Variants in SP140 observed in about 807,000 individuals in gnomAD.
The protein encoded by SP140 is nuclear body protein SP140.
In SP140, 81 loss-of-function variants were observed where a neutral mutation model predicts 125.0. That is an observed-to-expected ratio of 0.65 (90% confidence interval 0.54 to 0.78). The LOEUF (loss-of-function observed/expected upper bound fraction) is 0.78, where lower values mean the gene tolerates loss of function less well. Among genes scored for constraint, SP140 ranks in the 30% least tolerant of loss-of-function variants. The probability of loss-of-function intolerance (pLI) is 0.00; values close to 1 mark genes in which losing one functional copy is unlikely to be tolerated. For synonymous variants in SP140, 312 were observed against 354.0 expected, an observed-to-expected ratio of 0.88 and a Z score of 1.33; for missense variants, 858 against 1,037.0, an observed-to-expected ratio of 0.83 and a Z score of 2.37.
At chr2:230,253,805 G>C (rs996361065) in intron 11 of SP140, among the ~76,000 whole-genome samples, 1 of 152,178 alleles carries the variant, frequency 6.6e-6, no homozygotes, top group Non-Finnish European at 1.5e-5. Context: ...GAACACAGAC[G>C]TAAGTTTTGT....
intron 22 of SP140, among the ~76,000 whole-genome samples, chr2:230,307,772 G>A (rs1260919470): frequency 6.6e-6 from 1 of 152,042 alleles, no homozygotes; most frequent in Admixed American, 6.5e-5. Context: ...CCTGAGCCAA[G>A]TGCAGCCTGC....
rs1334966129 is a variant in SP140, at chr2:230,238,103, A to G, written c.238-110A>G. 4.0e-6 allele frequency: 3 copies of G among 741,090 alleles called. No homozygotes were observed. The East Asian group carries it at 8.1e-5, about 20-fold the overall frequency. The allele number at this position is 741,090 out of a possible 1,614,324, so 45.9% of individuals were successfully genotyped here. On this transcript the variant is annotated intron_variant, in intron 2 of 26. Coordinates refer to ENST00000392045, the MANE Select transcript of SP140 (RefSeq NM_007237.5). The stretch of plus-strand genomic sequence containing the variant: ...GACATTTAAGAAGTCATCCAAATAT[A>G]CGCAAAATTCTAACATTTCACAAGA...
At chr2:230,284,518 G>T (rs2056099099) in intron 16 of SP140, 107 bp downstream of exon 16, 1 of 863,324 alleles carries the variant, frequency 1.2e-6, no homozygotes, top group African/African-American at 1.7e-5. Context: ...TATACCTCCT[G>T]TATCCATTAG....
At chr2:230,307,195 C>T (rs561674804) in intron 22 of SP140, among the ~76,000 whole-genome samples, 1 of 152,342 alleles carries the variant, frequency 6.6e-6, no homozygotes, top group Admixed American at 6.5e-5. Context: ...GACACATTGG[C>T]TGCAGAAAGG....
intron 1 of SP140, chr2:230,235,126 C>T (rs2047782347): frequency 6.6e-6 from 1 of 152,216 alleles, no homozygotes; most frequent in South Asian, 2.1e-4. Context: ...AGGAAACCTC[C>T]AGTCTTCTGC....
chr2:230,283,596 G>A (rs970907673), intron 15 of SP140, among the ~76,000 whole-genome samples: 1 of 152,170 alleles, frequency 6.6e-6, no homozygotes, highest in Non-Finnish European at 1.5e-5. Context: ...CACTATCCAG[G>A]AAGGAGATGA....
chr2:230,289,500 G>A (rs190843300), intron 18 of SP140, among the ~76,000 whole-genome samples: 39 of 152,238 alleles, frequency 2.6e-4, no homozygotes, highest in Non-Finnish European at 5.3e-4. Flanking sequence ...CAGCTCCCCC[G>A]TTTATCATGA....
intron 26 of SP140, 72 bp from the exon 27 acceptor site, chr2:230,312,514 C>A: frequency 2.0e-6 from 2 of 977,988 alleles, no homozygotes; most frequent in Non-Finnish European, 3.2e-6. Context: ...GAGTCCTGAT[C>A]ATTCTCAGTT....
At position 230,255,518 on chromosome 2, in the gene SP140, C is replaced by T. The variant is rs777193271; in HGVS notation, c.1226C>T (p.Ala409Val). The T allele has an allele frequency of 1.3e-5, 21 of 1,601,184 alleles. No individual in the cohort carries two copies. The highest frequency in any genetic ancestry group is 8.6e-5 in the Admixed American group (5 of 58,240). Residue 409 changes from alanine to valine, a missense_variant, in exon 12 of 27, where the codon GCA becomes GTA. Coordinates refer to ENST00000392045, the MANE Select transcript of SP140 (RefSeq NM_007237.5). ...EERQEASSSL[A>V]RRGSVSSELE... ...CGCCAGGAAGCCTCTAGCTCCCTAG[C>T]AAGACGTGGGTCAGGTAAGGACGGG...
At chr2:230,241,290 G>A (rs1167268013) in intron 3 of SP140, 114 bp from the exon 4 acceptor site, 2 of 706,284 alleles carry the variant, frequency 2.8e-6, no homozygotes, top group Non-Finnish European at 5.1e-6. Flanking sequence ...AGGCTCTGTT[G>A]GACCTCGGGG....
intron 1 of SP140, among the ~76,000 whole-genome samples, chr2:230,226,388 T>C (rs1418773770): frequency 1.3e-5 from 2 of 152,180 alleles, no homozygotes; most frequent in Non-Finnish European, 2.9e-5. Context: ...TAGAATCACT[T>C]CAGGATCTCT....
Position 230,310,834 on chromosome 2 carries a change from T to C in SP140, c.2266T>C (p.Cys756Arg), listed in dbSNP as rs62192163. 0.24 allele frequency: 324,199 copies of C among 1,327,114 alleles called. 40,543 individuals carry two copies. Among genetic ancestry groups the C allele is most frequent in the Non-Finnish European group, 0.28 (265,645 of 961,950 alleles). 82.2% of individuals were successfully genotyped at this position (1,327,114 alleles called of 1,614,324 possible). A position where few individuals can be genotyped will look rare whatever the true frequency, so the allele number is the denominator to read the frequency against. ...QESEVLERQM[C>R]PEEQLKCEFL... is the part of the protein sequence containing the mutation. ...ATCTGAGGTCCTGGAGAGGCAGATGTGTCCTGAGGAACAGTTGGTAAATCA... is the reference window on the plus strand; with the variant it reads ...ATCTGAGGTCCTGGAGAGGCAGATGCGTCCTGAGGAACAGTTGGTAAATCA... Residue 756 changes from cysteine to arginine, a missense_variant, in exon 24 of 27, where the codon TGT becomes CGT. Physicochemically the swap from Cys to Arg is radical, Grantham distance 180. Transcript: ENST00000392045.
intron 22 of SP140, among the ~76,000 whole-genome samples, chr2:230,308,937 T>C (rs1032549083): frequency 2.6e-5 from 4 of 152,340 alleles, no homozygotes; most frequent in Admixed American, 2.6e-4. Flanking sequence ...GGTTCTTTGT[T>C]GTAAATACAC....
chr2:230,197,070 G>C, the SP140 span, among the ~76,000 whole-genome samples: 1 of 152,200 alleles, frequency 6.6e-6, no homozygotes. Flanking sequence ...TAATGGGATG[G>C]CTGGGTCAAA....
intron 23 of SP140, 97 bp downstream of exon 23, chr2:230,310,136 G>A (rs1183163690): frequency 1.3e-5 from 15 of 1,164,878 alleles, no homozygotes; most frequent in Non-Finnish European, 1.9e-5. Flanking sequence ...GTCTAGATGG[G>A]GAAAGAGCAG....
chr2:230,282,964 C>T (rs1253681576), intron 15 of SP140, among the ~76,000 whole-genome samples: 1 of 152,132 alleles, frequency 6.6e-6, no homozygotes, highest in Non-Finnish European at 1.5e-5. Context: ...ATATGGGGGA[C>T]TGCTTGAGGA....
chr2:230,251,208 A>G (rs1037430595), intron 10 of SP140, 147 bp downstream of exon 10: 4 of 685,124 alleles, frequency 5.8e-6, no homozygotes, highest in African/African-American at 3.6e-5. Context: ...TTTTCTATAC[A>G]TGGATATTTG....
chr2:230,282,119 C>T lies in SP140; in HGVS notation c.1499-2227C>T, dbSNP rs77239814. On this transcript the variant is annotated intron_variant, in intron 15 of 26. Transcript: ENST00000392045. ...ACCTTACCTCTGAGGGAGACATTAT[C>T]TTTTTAGCTGGAATTTAAGCAATTC... is the stretch of plus-strand genomic sequence containing the variant. 4.6e-3 allele frequency among the ~76,000 whole-genome samples: 693 copies of T among 152,192 alleles called. 3 individuals are homozygous for T. Among genetic ancestry groups the T allele is most frequent in the African/African-American group, 0.016 (652 of 41,524 alleles).
At chr2:230,257,215 A>G (rs958692299) in intron 12 of SP140, among the ~76,000 whole-genome samples, 2 of 152,082 alleles carry the variant, frequency 1.3e-5, no homozygotes, top group Non-Finnish European at 2.9e-5. Context: ...AAATAAAGAA[A>G]GATTAGGGAG....
Sources: allele counts gnomAD v4.1 joint callset (sites outside exome capture counted in the v4.1 genomes callset), GRCh38; gene constraint gnomAD v4.1.1; transcripts MANE v1.5; gene names NCBI Gene and HGNC (gene_info 2026-07-23, HGNC 2026-07-21).